The following CPVL variants were observed in gnomAD, a reference collection of about 807,000 sequenced individuals.
CPVL encodes the protein probable serine carboxypeptidase CPVL.
CPVL carries 51 observed loss-of-function variants against 63.7 expected under a neutral mutation model. The ratio of observed to expected loss-of-function variants is 0.80; its 90% CI spans 0.64 to 1.01. CPVL has a LOEUF of 1.01. CPVL is among the 50% of genes least tolerant of loss of function. The pLI is 0.00. For missense variants in CPVL, 530 were observed against 573.1 expected, an observed-to-expected ratio of 0.92 and a Z score of 0.77; for synonymous variants, 195 against 206.0, an observed-to-expected ratio of 0.95 and a Z score of 0.46.
At chr7:29,190,772 C>T (rs1017994426) in intron 1 of CPVL, among the ~76,000 whole-genome samples, 2 of 152,112 alleles carry the variant, frequency 1.3e-5, no homozygotes, top group Admixed American at 6.5e-5. Context: ...CAGCTACTAA[C>T]GTGGAAAGGA....
At position 29,131,774 on chromosome 7, in the gene CPVL, A is replaced by T. The variant is rs575163178; in HGVS notation, c.-10-10703T>A. Among the ~76,000 whole-genome samples, 56 of 152,244 alleles carry T rather than the reference A, an allele frequency of 3.7e-4. 1 individual carries two copies. In the South Asian group the frequency reaches 6.0e-3, roughly 16 times the overall value. On this transcript the variant is annotated intron_variant, in intron 1 of 12. Coordinates refer to ENST00000265394, the MANE Select transcript of CPVL (RefSeq NM_031311.5). ...GCGATTCACCTGCCTTGGCCTCCCAAAGTGCTGGAATTACAGGCATGAGCC... is the reference window on the plus strand; with the variant it reads ...GCGATTCACCTGCCTTGGCCTCCCATAGTGCTGGAATTACAGGCATGAGCC...
Position 29,071,883 on chromosome 7 carries a change from A to G in CPVL, c.754T>C (p.Phe252Leu). The part of the protein sequence containing the change: ...PESIIGGYAE[F>L]LYQIGLLDEK... ...TCCAACAAGCCAATTTGGTACAGGA[A>G]TTCTGCATAGCCCCCTATAATCTGA... Residue 252 changes from phenylalanine (F) to leucine (L), a missense_variant, in exon 9 of 13, where the codon TTC (phenylalanine) becomes CTC (leucine). Phe to Leu is a conservative substitution (Grantham distance 22). Transcript: ENST00000265394. 6.2e-7 allele frequency: 1 copy of G among 1,614,178 alleles called. No individual in the cohort carries two copies. Among genetic ancestry groups the G allele is most frequent in the Non-Finnish European group, 8.5e-7 (1 of 1,179,996 alleles).
chr7:29,173,933 CAGAG>C (rs1796932173), intron 5 of CPVL, among the ~76,000 whole-genome samples: 1 of 146,110 alleles, frequency 6.8e-6, no homozygotes, highest in African/African-American at 2.5e-5. Flanking sequence ...GCCTGGGTGA[CAGAG>C]GGAGACTGAC....
intron 9 of CPVL, among the ~76,000 whole-genome samples, chr7:29,066,657 T>G (rs971818019): frequency 2.0e-5 from 3 of 151,966 alleles, no homozygotes; most frequent in African/African-American, 7.3e-5. Context: ...GTGGGAAGGG[T>G]GCCTTAACAT....
chr7:29,115,351 A>G (rs1204454303), intron 2 of CPVL, among the ~76,000 whole-genome samples: 1 of 152,162 alleles, frequency 6.6e-6, no homozygotes, highest in Non-Finnish European at 1.5e-5. Context: ...TCTGTTCCCA[A>G]TGAGGTCTAT....
intron 11 of CPVL, among the ~76,000 whole-genome samples, chr7:29,034,719 TG>T (rs1335272724): frequency 6.6e-6 from 1 of 152,086 alleles, no homozygotes; most frequent in East Asian, 1.9e-4. Flanking sequence ...TTCGTATTTT[TG>T]GTAGAGACAG....
chr7:29,052,465 A>C (rs1337954221), intron 11 of CPVL, among the ~76,000 whole-genome samples: 1 of 151,816 alleles, frequency 6.6e-6, no homozygotes, highest in Non-Finnish European at 1.5e-5. Context: ...AAACCAAACC[A>C]AAAGCATAAA....
At chr7:29,092,475 G>C in intron 6 of CPVL, 148 bp downstream of exon 6, 1 of 610,176 alleles carries the variant, frequency 1.6e-6, no homozygotes, top group Middle Eastern at 2.8e-4. Flanking sequence ...TGCTCTGTGT[G>C]TGTGGATGTG....
At chr7:29,129,931 T>A (rs1790511438) in intron 1 of CPVL, among the ~76,000 whole-genome samples, 1 of 152,112 alleles carries the variant, frequency 6.6e-6, no homozygotes, top group African/African-American at 2.4e-5. Flanking sequence ...AAGTGATGTA[T>A]CTACAAGCCA....
chr7:29,090,861 T>C (rs1279365210), intron 6 of CPVL, among the ~76,000 whole-genome samples: 1 of 152,102 alleles, frequency 6.6e-6, no homozygotes, highest in Non-Finnish European at 1.5e-5. Flanking sequence ...CTATTAATAG[T>C]CAAAAAGAAT....
intron 1 of CPVL, among the ~76,000 whole-genome samples, chr7:29,190,533 A>T (rs1333692383): frequency 6.6e-6 from 1 of 152,218 alleles, no homozygotes; most frequent in Non-Finnish European, 1.5e-5. Flanking sequence ...TAAACAAATT[A>T]CACCACCATA....
intron 11 of CPVL, among the ~76,000 whole-genome samples, chr7:29,044,421 A>AAAT (rs752174464): frequency 6.6e-6 from 1 of 152,148 alleles, no homozygotes; most frequent in African/African-American, 2.4e-5. Flanking sequence ...TGTCTCAAAA[A>AAAT]AATAATAATA....
chr7:29,062,872 C>T (rs73684549), intron 11 of CPVL, among the ~76,000 whole-genome samples: 1 of 152,090 alleles, frequency 6.6e-6, no homozygotes, highest in Non-Finnish European at 1.5e-5. Flanking sequence ...GGGCTGCCGA[C>T]TGCCCTGTTT....
At chr7:29,144,239 C>T (rs1251033234) in intron 1 of CPVL, among the ~76,000 whole-genome samples, 2 of 152,172 alleles carry the variant, frequency 1.3e-5, no homozygotes, top group Non-Finnish European at 2.9e-5. Flanking sequence ...ATCATGTTTG[C>T]TCTTTAGTGA....
intron 5 of CPVL, among the ~76,000 whole-genome samples, chr7:29,172,649 CT>C (rs551337528): frequency 2.0e-5 from 3 of 152,174 alleles, no homozygotes; most frequent in East Asian, 1.9e-4. Context: ...TAACAGATTC[CT>C]TTTTTTAAAT....
intron 9 of CPVL, 119 bp downstream of exon 9, chr7:29,071,654 T>C (rs996613067): frequency 6.0e-5 from 66 of 1,102,586 alleles, no homozygotes; most frequent in Non-Finnish European, 8.2e-5. Flanking sequence ...TCCAATGGAA[T>C]AACAGATATA....
chr7:29,192,605 A>C (rs1457448720), intron 1 of CPVL: 1 of 152,222 alleles, frequency 6.6e-6, no homozygotes, highest in East Asian at 1.9e-4. Flanking sequence ...TCCTTCCTTA[A>C]AGTGAGCAAC....
intron 11 of CPVL, 97 bp downstream of exon 11, chr7:29,063,964 G>GT (rs1426848030): frequency 4.8e-5 from 36 of 755,556 alleles, no homozygotes; most frequent in Non-Finnish European, 7.4e-5. Flanking sequence ...CATCATAAAA[G>GT]TTAAAAAAAA....
chr7:29,039,129 A>G (rs1788822202), intron 11 of CPVL, among the ~76,000 whole-genome samples: 1 of 152,232 alleles, frequency 6.6e-6, no homozygotes. Flanking sequence ...AGGGGCCAAG[A>G]AAAGTCAGTT....
Sources: allele counts gnomAD v4.1 joint callset (sites outside exome capture counted in the v4.1 genomes callset), GRCh38; gene constraint gnomAD v4.1.1; transcripts MANE v1.5; gene names NCBI Gene and HGNC (gene_info 2026-07-23, HGNC 2026-07-21).